ASAP1: variants seen among roughly 807,000 people sequenced by gnomAD.
ASAP1 encodes ArfGAP with SH3 domain, ankyrin repeat and PH domain 1, also known as arf-GAP with SH3 domain, ANK repeat and PH domain-containing protein 1.
In ASAP1, 43 loss-of-function variants were observed where a neutral mutation model predicts 145.2. The ratio of observed to expected loss-of-function variants is 0.30; its 90% CI spans 0.23 to 0.38. ASAP1 has a LOEUF of 0.38. ASAP1 is among the 10% of genes least tolerant of loss of function. The pLI is 1.00. For missense variants in ASAP1, 1,018 were observed against 1,355.3 expected (o/e 0.75, Z 3.91); for synonymous variants, 546 against 515.5 (o/e 1.06, Z -0.80).
chr8:130,277,234 G>C (rs1820967750), intron 3 of ASAP1, among the ~76,000 whole-genome samples: 1 of 152,100 alleles, frequency 6.6e-6, no homozygotes, highest in South Asian at 2.1e-4. Flanking sequence ...GCGAGAAAGG[G>C]GAACCAGTCT....
chr8:130,247,649 A>C (rs567390792), intron 3 of ASAP1, among the ~76,000 whole-genome samples: 14 of 152,198 alleles, frequency 9.2e-5, no homozygotes, highest in Non-Finnish European at 1.6e-4. Flanking sequence ...GATAAAAAGC[A>C]AAGTGGGAAG....
intron 5 of ASAP1, among the ~76,000 whole-genome samples, chr8:130,192,150 G>A (rs997093519): frequency 6.6e-6 from 1 of 152,090 alleles, no homozygotes; most frequent in African/African-American, 2.4e-5. Flanking sequence ...TGGCATACCA[G>A]AGAGCTATAG....
At position 130,054,097 on chromosome 8, in the gene ASAP1, T is replaced by C. The variant is rs1050562712; in HGVS notation, c.*634A>G. 8 of 152,804 alleles carry C rather than the reference T, an allele frequency of 5.2e-5. No individual in the cohort carries two copies. Among genetic ancestry groups the C allele is most frequent in the Non-Finnish European group, 8.8e-5 (6 of 68,158 alleles). 9.5% of individuals were successfully genotyped at this position (152,804 alleles called of 1,614,324 possible). A position where few individuals can be genotyped will look rare whatever the true frequency, so the allele number is the denominator to read the frequency against. On this transcript the variant is annotated 3_prime_UTR_variant, in exon 30 of 30. Transcript: ENST00000518721. ...CACTCATAAGACAGTATAAATCCAC[T>C]TGTCTAAACTTGCATGAGGCTGTGT... is the stretch of plus-strand genomic sequence containing the variant.
At chr8:130,071,488 C>G (rs2097446480) in intron 27 of ASAP1, among the ~76,000 whole-genome samples, 1 of 152,188 alleles carries the variant, frequency 6.6e-6, no homozygotes, top group African/African-American at 2.4e-5. Flanking sequence ...GACTGAGGAG[C>G]TACTTGCTAG....
intron 16 of ASAP1, among the ~76,000 whole-genome samples, chr8:130,126,298 T>A (rs546673261): frequency 6.6e-6 from 1 of 152,336 alleles, no homozygotes; most frequent in South Asian, 2.1e-4. Context: ...AAGCACTTTA[T>A]CCTTGTGAAA....
intron 27 of ASAP1, among the ~76,000 whole-genome samples, chr8:130,074,468 C>G (rs1256761172): frequency 2.0e-5 from 3 of 147,524 alleles, no homozygotes; most frequent in African/African-American, 7.4e-5. Flanking sequence ...CACACACACA[C>G]ACACACACAC....
intron 24 of ASAP1, among the ~76,000 whole-genome samples, chr8:130,111,289 G>A (rs755973943): frequency 1.1e-4 from 17 of 151,718 alleles, no homozygotes; most frequent in African/African-American, 1.7e-4. Flanking sequence ...AGGCTGAGGT[G>A]GGAGGATCAG....
Position 130,111,081 on chromosome 8 carries a change from G to A in ASAP1, c.2401+1013C>T, listed in dbSNP as rs114447297. 9.1e-3 allele frequency among the ~76,000 whole-genome samples: 1,387 copies of A among 151,992 alleles called. 24 individuals are homozygous for A. The highest frequency in any genetic ancestry group is 0.032 in the African/African-American group (1,325 of 41,440). ...ACAGCACAACAACCCTCCTATGAGC[G>A]GGATTCCTCGTCTGGGCGCAGTGGC... On this transcript the variant is annotated intron_variant, in intron 24 of 29. Coordinates refer to ENST00000518721, the MANE Select transcript of ASAP1 (RefSeq NM_018482.4).
intron 2 of ASAP1, among the ~76,000 whole-genome samples, chr8:130,360,403 T>C (rs891455771): frequency 2.6e-5 from 4 of 152,160 alleles, no homozygotes; most frequent in Non-Finnish European, 5.9e-5. Context: ...AGTTCACTGA[T>C]GATGGAAGAG....
At chr8:130,080,147 T>G (rs1015002729) in intron 25 of ASAP1, among the ~76,000 whole-genome samples, 176 bp from the exon 26 acceptor site, 1 of 152,184 alleles carries the variant, frequency 6.6e-6, no homozygotes, top group East Asian at 1.9e-4. Flanking sequence ...AGCACTGTTT[T>G]GGGCTTTGCG....
At chr8:130,105,661 G>C (rs141974142) in intron 24 of ASAP1, among the ~76,000 whole-genome samples, 21 of 152,246 alleles carry the variant, frequency 1.4e-4, no homozygotes, top group Admixed American at 4.6e-4. Context: ...GTAATTAACC[G>C]TATAATTATA....
intron 2 of ASAP1, among the ~76,000 whole-genome samples, chr8:130,395,822 A>G (rs370279699): frequency 6.6e-6 from 1 of 152,010 alleles, no homozygotes; most frequent in African/African-American, 2.4e-5. Context: ...ACCCGCCACT[A>G]CGCCCAGCTA....
At chr8:130,165,841 T>C (rs1464819797) in intron 11 of ASAP1, among the ~76,000 whole-genome samples, 2 of 152,218 alleles carry the variant, frequency 1.3e-5, no homozygotes, top group African/African-American at 4.8e-5. Context: ...AAGATTAGTG[T>C]CACTAGTGCA....
chr8:130,325,542 AATGACTAGTTGAAG>A (rs1293999472), intron 3 of ASAP1, among the ~76,000 whole-genome samples: 1 of 152,248 alleles, frequency 6.6e-6, no homozygotes, highest in African/African-American at 2.4e-5. Flanking sequence ...CACCTGTCTG[AATGACTAGTTGAAG>A]ATCAGCTATT....
At chr8:130,301,713 G>T (rs1159133661) in intron 3 of ASAP1, among the ~76,000 whole-genome samples, 1 of 152,074 alleles carries the variant, frequency 6.6e-6, no homozygotes, top group Non-Finnish European at 1.5e-5. Flanking sequence ...CATAAAATGG[G>T]ATCATCCTTT....
chr8:130,442,646 G>C (rs1830524720), intron 1 of ASAP1, among the ~76,000 whole-genome samples: 1 of 152,108 alleles, frequency 6.6e-6, no homozygotes, highest in Admixed American at 6.5e-5. Flanking sequence ...TTCCTGACGA[G>C]TACAGGTAAA....
intron 3 of ASAP1, among the ~76,000 whole-genome samples, chr8:130,315,903 G>A (rs1452389773): frequency 2.6e-5 from 4 of 152,136 alleles, no homozygotes; most frequent in Non-Finnish European, 5.9e-5. Flanking sequence ...CCTAGGCCTA[G>A]ATATAAATCC....
At chr8:130,157,957 C>T (rs1451030260) in intron 12 of ASAP1, among the ~76,000 whole-genome samples, 3 of 152,032 alleles carry the variant, frequency 2.0e-5, no homozygotes, top group Non-Finnish European at 2.9e-5. Context: ...TCTATCAGGG[C>T]CAGATTTTCT....
At chr8:130,171,717 A>G (rs866231248) in intron 9 of ASAP1, among the ~76,000 whole-genome samples, 1 of 152,226 alleles carries the variant, frequency 6.6e-6, no homozygotes, top group African/African-American at 2.4e-5. Flanking sequence ...TAGACCTGAT[A>G]GTCAAAGCAG....
Sources: gnomAD v4.1 joint callset for allele counts (sites outside exome capture counted in the v4.1 genomes callset) on GRCh38, gnomAD v4.1.1 for gene constraint, MANE v1.5 for transcripts, NCBI Gene and HGNC (gene_info 2026-07-23, HGNC 2026-07-21) for gene names.